The following UBAP2 variants were observed in gnomAD, a reference collection of about 807,000 sequenced individuals.
UBAP2 encodes ubiquitin-associated protein 2.
A neutral mutation model predicts 139.6 loss-of-function variants in UBAP2; 75 were observed. The observed-to-expected ratio is 0.54, with a 90% CI of 0.45 to 0.65. The LOEUF (loss-of-function observed/expected upper bound fraction) is 0.65, where lower values mean the gene tolerates loss of function less well. UBAP2 is among the 30% of genes least tolerant of loss of function. UBAP2 has a pLI of 0.00. For missense variants in UBAP2, 1,368 were observed against 1,369.6 expected (o/e 1.00, Z 0.02); for synonymous variants, 526 against 526.2 (o/e 1.00, Z 0.01).
chr9:33,923,465 G>A lies in UBAP2; in HGVS notation c.2810C>T (p.Ser937Leu), dbSNP rs1335464729. The A allele has an allele frequency of 3.1e-6, 5 of 1,614,020 alleles. No individual in the cohort carries two copies. In the African/African-American group the frequency reaches 4.0e-5, roughly 13 times the overall value. ...GAGGTTCACCCCATGTTGCTTGGCT[G>A]AGGCTGGAGGGACCTGGGGGGGCAA... ...YGPTMFVPPA[S>L]AKQHGVNLST... The change falls in exon 25 of 29, where the codon TCA becomes TTA. Residue 937 changes from serine (S) to leucine (L), a missense_variant. By Grantham distance (145) the Ser-to-Leu change is moderately radical. Transcript: ENST00000379238.
At chr9:34,039,095 T>C (rs1166275464) in intron 1 of UBAP2, among the ~76,000 whole-genome samples, 2 of 150,312 alleles carry the variant, frequency 1.3e-5, no homozygotes, top group Non-Finnish European at 3.0e-5. Flanking sequence ...AGCCACCCCG[T>C]CTGGGAAGTG....
rs759066634 is a variant in UBAP2, at chr9:34,041,426, T to C, written c.-42+7399A>G. Among the ~76,000 whole-genome samples, 74 of 145,574 alleles carry C rather than the reference T, an allele frequency of 5.1e-4. 1 individual carries two copies. Among genetic ancestry groups the C allele is most frequent in the East Asian group, 2.6e-3 (13 of 4,988 alleles). ...GTTGCAGTGAGCCAAGATCGCACCA[T>C]TGCACTCTAGCCTGGGCAACAAGAG... On this transcript the variant is annotated intron_variant, in intron 1 of 28. Coordinates refer to ENST00000379238, the MANE Select transcript of UBAP2 (RefSeq NM_001370062.2).
chr9:33,972,633 T>C (rs1827996179), intron 7 of UBAP2, among the ~76,000 whole-genome samples: 2 of 151,682 alleles, frequency 1.3e-5, no homozygotes, highest in African/African-American at 4.8e-5. Context: ...GCTAATGTTT[T>C]AGAAGCAACA....
chr9:33,994,647 T>C (rs568692305), intron 4 of UBAP2: 3 of 150,790 alleles, frequency 2.0e-5, no homozygotes, highest in East Asian at 1.9e-4. Flanking sequence ...AATTTTAATT[T>C]ATCATATAAT....
chr9:33,998,165 G>C (rs551681476), intron 3 of UBAP2: 1 of 152,226 alleles, frequency 6.6e-6, no homozygotes, highest in African/African-American at 2.4e-5. Context: ...ACTCTGGGAG[G>C]CCAAGGCAGA....
intron 21 of UBAP2, 92 bp downstream of exon 21, chr9:33,926,896 TG>T: frequency 7.6e-7 from 1 of 1,308,556 alleles, no homozygotes; most frequent in Non-Finnish European, 1.1e-6. Context: ...CAGCTCAAGG[TG>T]GGCAACCTGG....
intron 1 of UBAP2, among the ~76,000 whole-genome samples, chr9:34,043,650 T>C (rs1022374291): frequency 2.6e-5 from 4 of 152,040 alleles, no homozygotes; most frequent in Admixed American, 6.6e-5. Flanking sequence ...CATGCAATCA[T>C]GCCCAGTTAA....
intron 6 of UBAP2, among the ~76,000 whole-genome samples, chr9:33,984,693 A>C (rs1019144174): frequency 5.9e-5 from 9 of 152,090 alleles, no homozygotes; most frequent in African/African-American, 2.2e-4. Flanking sequence ...AGAAAAAAAA[A>C]CAGTAGACAA....
chr9:33,974,940 G>C lies in UBAP2; in HGVS notation c.521-1703C>G, dbSNP rs1306680435. Among the ~76,000 whole-genome samples the C allele has an allele frequency of 4.5e-5, 4 of 89,068 alleles. No individual in the cohort carries two copies. The East Asian group carries it at 1.2e-3, about 27-fold the overall frequency. 58.4% of individuals were successfully genotyped at this position (89,068 alleles called of 152,430 possible). On this transcript the variant is annotated intron_variant, in intron 6 of 28. Coordinates refer to ENST00000379238, the MANE Select transcript of UBAP2 (RefSeq NM_001370062.2). ...TTAACAGCGTGAGACTAAAAAAAAA[G>C]GGGGGGGTGCGGGGGGGCGGGCAAT...
chr9:33,954,269 T>TACATACACACACACAC (rs1554682976), intron 11 of UBAP2, among the ~76,000 whole-genome samples: 40 of 139,912 alleles, frequency 2.9e-4, no homozygotes, highest in Admixed American at 1.9e-3. Context: ...TGTGTGTATA[T>TACATACACACACACAC]ACACACACAC....
chr9:34,039,747 C>T (rs1826868850), intron 1 of UBAP2, among the ~76,000 whole-genome samples: 5 of 148,350 alleles, frequency 3.4e-5, no homozygotes. Context: ...ACCAGAGACC[C>T]TTGTTCACTT....
At chr9:33,929,083 C>G (rs992168961) in intron 19 of UBAP2, among the ~76,000 whole-genome samples, 2 of 152,198 alleles carry the variant, frequency 1.3e-5, no homozygotes, top group African/African-American at 4.8e-5. Flanking sequence ...AGAGCCCCAC[C>G]AGGAGCGGGC....
chr9:34,011,629 GGCTGAGCTCTA>G, intron 2 of UBAP2: 1 of 987,370 alleles, frequency 1.0e-6, no homozygotes, highest in Non-Finnish European at 1.2e-6. Context: ...GAAGTTACCA[GGCTGAGCTCTA>G]GGAAGTGTCA....
intron 1 of UBAP2, among the ~76,000 whole-genome samples, chr9:34,045,173 C>T (rs1217213890): frequency 2.6e-5 from 4 of 151,796 alleles, no homozygotes; most frequent in South Asian, 2.1e-4. Context: ...TGTGAAACCC[C>T]GTCTCTAATA....
At chr9:33,982,369 C>G (rs766658366) in intron 6 of UBAP2, among the ~76,000 whole-genome samples, 1 of 152,152 alleles carries the variant, frequency 6.6e-6, no homozygotes, top group Admixed American at 6.5e-5. Flanking sequence ...TCCACACTTA[C>G]GACAACTTAC....
chr9:34,020,120 A>G (rs1354199008), intron 1 of UBAP2, among the ~76,000 whole-genome samples: 1 of 149,870 alleles, frequency 6.7e-6, no homozygotes, highest in African/African-American at 2.5e-5. Flanking sequence ...ACTGCACTCC[A>G]GCTTGGGTGA....
chr9:33,922,713 G>A lies in UBAP2; in HGVS notation c.3238C>T (p.His1080Tyr), dbSNP rs138274627. 2.0e-4 allele frequency: 308 copies of A among 1,550,324 alleles called. No homozygotes were observed. The highest frequency in any genetic ancestry group is 2.6e-4 in the Non-Finnish European group (298 of 1,148,844). ...AHQQPHSQLLHHHLPQDAQSG... is the reference protein window; with the variant it reads ...AHQQPHSQLLYHHLPQDAQSG... The stretch of plus-strand genomic sequence containing the variant: ...TGTGCATCCTGCGGAAGGTGGTGGT[G>A]CAGCAGCTGTGAGTGGGGCTGCTGG... The change falls in exon 28 of 29, where the codon CAC (histidine) becomes TAC (tyrosine). Residue 1080 changes from histidine (H) to tyrosine (Y), a missense_variant. Transcript: ENST00000379238.
At chr9:34,021,974 G>A (rs1030549976) in intron 1 of UBAP2, among the ~76,000 whole-genome samples, 10 of 152,202 alleles carry the variant, frequency 6.6e-5, no homozygotes, top group Middle Eastern at 3.4e-3. Flanking sequence ...GCCAGGCACC[G>A]TGGCTCACAC....
intron 18 of UBAP2, among the ~76,000 whole-genome samples, chr9:33,933,276 G>C (rs1420041407): frequency 2.6e-5 from 4 of 152,186 alleles, no homozygotes; most frequent in African/African-American, 9.7e-5. Flanking sequence ...CCAGTGCTCT[G>C]TGCCAGCAGA....
Sources: gnomAD v4.1 joint callset for allele counts (sites outside exome capture counted in the v4.1 genomes callset) on GRCh38, gnomAD v4.1.1 for gene constraint, MANE v1.5 for transcripts, NCBI Gene and HGNC (gene_info 2026-07-23, HGNC 2026-07-21) for gene names.